The following AKAP6 variants were observed in gnomAD, a reference collection of about 807,000 sequenced individuals.
AKAP6 encodes A-kinase anchor protein 6.
Under a neutral mutation model 188.5 loss-of-function variants are expected in AKAP6, and 58 were observed. The observed-to-expected ratio is 0.31, with a 90% confidence interval of 0.25 to 0.38. The LOEUF (loss-of-function observed/expected upper bound fraction) is 0.38. Among genes scored for constraint, AKAP6 ranks in the 10% least tolerant of loss-of-function variants. AKAP6 has a pLI of 1.00. For missense variants in AKAP6, 2,710 were observed against 2,740.0 expected (o/e 0.99, Z 0.24); for synonymous variants, 989 against 998.6 (o/e 0.99, Z 0.18).
At chr14:32,678,174 A>G (rs1346515072) in intron 7 of AKAP6, 137 bp from the exon 8 acceptor site, 1 of 838,732 alleles carries the variant, frequency 1.2e-6, no homozygotes, top group Admixed American at 2.9e-5. Context: ...AATATGCCCA[A>G]CTGATCCCAT....
At position 32,371,201 on chromosome 14, in the gene AKAP6, A is replaced by G. The variant is rs187252964; in HGVS notation, c.-35+41793A>G. On this transcript the variant is annotated intron_variant, in intron 1 of 13. Coordinates refer to ENST00000280979, the MANE Select transcript of AKAP6 (RefSeq NM_004274.5). The stretch of plus-strand genomic sequence containing the variant: ...CCCAACCCCTAGTGAATATACATGC[A>G]TTTTATAGAGCTAGAACACACATAT... Among the ~76,000 whole-genome samples the G allele has an allele frequency of 9.3e-4, 141 of 152,354 alleles. No individual in the cohort carries two copies. In the Middle Eastern group the frequency reaches 0.01, roughly 11 times the overall value.
intron 8 of AKAP6, among the ~76,000 whole-genome samples, chr14:32,688,820 A>G (rs1484213843): frequency 6.6e-6 from 1 of 152,218 alleles, no homozygotes; most frequent in African/African-American, 2.4e-5. Flanking sequence ...CTCTCTGGGT[A>G]GGGTCAGCCT....
intron 5 of AKAP6, among the ~76,000 whole-genome samples, chr14:32,595,100 A>T (rs1457530227): frequency 6.6e-6 from 1 of 152,178 alleles, no homozygotes; most frequent in Non-Finnish European, 1.5e-5. Context: ...ACGCAGAAAC[A>T]TCTGGCCTGT....
At chr14:32,347,650 A>G (rs1224673973) in intron 1 of AKAP6, among the ~76,000 whole-genome samples, 3 of 152,242 alleles carry the variant, frequency 2.0e-5, no homozygotes, top group African/African-American at 7.2e-5. Context: ...GGGATAAGAC[A>G]CTGAACCCAA....
intron 1 of AKAP6, among the ~76,000 whole-genome samples, chr14:32,423,840 A>C (rs1889939684): frequency 6.6e-6 from 1 of 152,188 alleles, no homozygotes; most frequent in South Asian, 2.1e-4. Context: ...GCATGAAATG[A>C]TCCTTAAAAT....
At chr14:32,701,634 A>G (rs1314589289) in intron 9 of AKAP6, among the ~76,000 whole-genome samples, 3 of 152,166 alleles carry the variant, frequency 2.0e-5, no homozygotes, top group Non-Finnish European at 4.4e-5. Context: ...TTGACTTGCT[A>G]TTTTATAACT....
chr14:32,530,252 C>T (rs926028506), intron 2 of AKAP6, among the ~76,000 whole-genome samples: 2 of 152,060 alleles, frequency 1.3e-5, no homozygotes, highest in Admixed American at 1.3e-4. Flanking sequence ...GTCTCGAACT[C>T]CTGAGTCCAA....
At chr14:32,672,115 C>T (rs1889224398) in intron 7 of AKAP6, among the ~76,000 whole-genome samples, 1 of 152,112 alleles carries the variant, frequency 6.6e-6, no homozygotes, top group Non-Finnish European at 1.5e-5. Context: ...TCACCACATA[C>T]CGAGCCAAAT....
rs113425039 is a variant in AKAP6, at chr14:32,391,712, C to T, written c.-34-41748C>T. Among the ~76,000 whole-genome samples the T allele has an allele frequency of 2.2e-3, 335 of 152,248 alleles. 1 individual carries two copies. Among genetic ancestry groups the T allele is most frequent in the African/African-American group, 7.6e-3 (316 of 41,554 alleles). ...CCCACTGCCTTGCTTCTGTTCTGGC[C>T]ATGTAAGATGTGACTGCTACCCCTT... On this transcript the variant is annotated intron_variant, in intron 1 of 13. Coordinates refer to ENST00000280979, the MANE Select transcript of AKAP6 (RefSeq NM_004274.5).
At position 32,831,699 on chromosome 14, in the gene AKAP6, A is replaced by G. The variant is rs1285749677; in HGVS notation, c.*1894A>G. The G allele has an allele frequency of 6.6e-6, 1 of 152,292 alleles. No homozygotes were observed. The highest frequency in any genetic ancestry group is 1.9e-4 in the East Asian group (1 of 5,196). 9.4% of individuals were successfully genotyped at this position (152,292 alleles called of 1,614,324 possible). A position where few individuals can be genotyped will look rare whatever the true frequency, so the allele number is the denominator to read the frequency against. On this transcript the variant is annotated 3_prime_UTR_variant, in exon 14 of 14. Transcript: ENST00000280979. Reference sequence around the variant, plus strand: ...GCTGAGGAACAGAGCAAATGTAGTGATAGAAGCGCAATGAGAGAAGCAGCA... The same window carrying G: ...GCTGAGGAACAGAGCAAATGTAGTGGTAGAAGCGCAATGAGAGAAGCAGCA...
chr14:32,454,471 C>T (rs3825751), intron 2 of AKAP6, among the ~76,000 whole-genome samples: 57,687 of 152,138 alleles, frequency 0.38, 17,018 homozygotes, highest in African/African-American at 0.83. Context: ...GCCTGACTCC[C>T]GTGCCACAAG....
chr14:32,438,527 T>C (rs1387646465), intron 2 of AKAP6: 2 of 152,226 alleles, frequency 1.3e-5, no homozygotes, highest in Non-Finnish European at 2.9e-5. Flanking sequence ...CAGACAACTG[T>C]TATAAAGTTC....
At chr14:32,469,679 T>TTC (rs1335468379) in intron 2 of AKAP6, among the ~76,000 whole-genome samples, 2 of 150,474 alleles carry the variant, frequency 1.3e-5, no homozygotes, top group Admixed American at 6.7e-5. Flanking sequence ...GAATGTCTTT[T>TTC]TTTTTTTGAG....
At chr14:32,710,561 C>T (rs773835580) in intron 9 of AKAP6, among the ~76,000 whole-genome samples, 2 of 151,760 alleles carry the variant, frequency 1.3e-5, no homozygotes, top group African/African-American at 4.8e-5. Flanking sequence ...GCAGCCTCTG[C>T]AAGATAAATG....
At chr14:32,365,935 C>T (rs181572721) in intron 1 of AKAP6, among the ~76,000 whole-genome samples, 1 of 152,330 alleles carries the variant, frequency 6.6e-6, no homozygotes, top group East Asian at 1.9e-4. Context: ...CCACCTCTCT[C>T]CTGCTTCCTG....
intron 4 of AKAP6, among the ~76,000 whole-genome samples, chr14:32,558,810 G>T (rs1883803152): frequency 6.6e-6 from 1 of 152,118 alleles, no homozygotes; most frequent in Admixed American, 6.6e-5. Context: ...CACAAGAAGG[G>T]GAAAATGGAG....
chr14:32,338,223 A>G (rs1206716010), intron 1 of AKAP6, among the ~76,000 whole-genome samples: 1 of 152,104 alleles, frequency 6.6e-6, no homozygotes, highest in African/African-American at 2.4e-5. Flanking sequence ...TATCTTTGGT[A>G]TGATGTTTTT....
rs2034831972 is a variant in AKAP6 at position 32,832,569 on chromosome 14, C to G, written c.*2764C>G. ...GAAAAATAGCCTCAATCTCCCACCC[C>G]ATGTAGGCACTACCTCCCCAATTAC... is the stretch of plus-strand genomic sequence containing the variant. On this transcript the variant is annotated 3_prime_UTR_variant, in exon 14 of 14. Coordinates refer to ENST00000280979, the MANE Select transcript of AKAP6 (RefSeq NM_004274.5). The G allele has an allele frequency of 6.6e-6, 1 of 152,156 alleles. No individual in the cohort carries two copies. 9.4% of individuals were successfully genotyped at this position (152,156 alleles called of 1,614,324 possible). A position where few individuals can be genotyped will look rare whatever the true frequency, so the allele number is the denominator to read the frequency against.
At chr14:32,812,247 C>T (rs1235666836) in intron 12 of AKAP6, among the ~76,000 whole-genome samples, 1 of 152,162 alleles carries the variant, frequency 6.6e-6, no homozygotes, top group Non-Finnish European at 1.5e-5. Flanking sequence ...GAAAATGCCA[C>T]CATTTCATTG....
Sources: gnomAD v4.1 joint callset for allele counts (sites outside exome capture counted in the v4.1 genomes callset) on GRCh38, gnomAD v4.1.1 for gene constraint, MANE v1.5 for transcripts, NCBI Gene and HGNC (gene_info 2026-07-23, HGNC 2026-07-21) for gene names.